Variants in MSI2 observed in about 807,000 individuals in gnomAD.
The protein encoded by MSI2 is RNA-binding protein Musashi homolog 2.
In MSI2, 17 loss-of-function variants were observed where a neutral mutation model predicts 45.6. The observed-to-expected ratio is 0.37, with a 90% CI of 0.26 to 0.56. The LOEUF is 0.56. MSI2 is among the 20% of genes least tolerant of loss of function. The pLI, the probability that MSI2 is intolerant of heterozygous loss-of-function variation, is 0.77. For synonymous variants in MSI2, 156 were observed against 158.2 expected (o/e 0.99, Z 0.11); for missense variants, 293 against 444.2 (o/e 0.66, Z 3.06).
In MSI2 at chr17:57,649,277, A is replaced by G. The variant is rs531404987; in HGVS notation, c.728-2822A>G. The stretch of plus-strand genomic sequence containing the variant: ...CCACATACACCCAACACAGGTACAC[A>G]ATACGTACACTCAACAAACACAACA... On this transcript the variant is annotated intron_variant, in intron 10 of 13. Transcript: ENST00000284073. 2.2e-3 allele frequency among the ~76,000 whole-genome samples: 338 copies of G among 151,192 alleles called. 2 individuals carry two copies. Among genetic ancestry groups the G allele is most frequent in the African/African-American group, 7.5e-3 (308 of 41,226 alleles).
intron 5 of MSI2, among the ~76,000 whole-genome samples, chr17:57,309,667 C>T (rs1368949744): frequency 6.6e-6 from 1 of 152,200 alleles, no homozygotes; most frequent in Non-Finnish European, 1.5e-5. Flanking sequence ...GGAATTCCTT[C>T]TCAGGAAAGC....
At chr17:57,332,513 T>G (rs1053212559) in intron 5 of MSI2, among the ~76,000 whole-genome samples, 1 of 152,246 alleles carries the variant, frequency 6.6e-6, no homozygotes, top group African/African-American at 2.4e-5. Context: ...ATGGACATGA[T>G]TTTCTGTAAT....
chr17:57,661,733 CTAT>C (rs781111872), intron 11 of MSI2, among the ~76,000 whole-genome samples: 2 of 152,144 alleles, frequency 1.3e-5, no homozygotes, highest in Admixed American at 6.5e-5. Flanking sequence ...CTGCTTGGGG[CTAT>C]TGTTTCCCAT....
intron 10 of MSI2, chr17:57,631,855 T>C (rs749748033): frequency 6.2e-7 from 1 of 1,611,816 alleles, no homozygotes; most frequent in African/African-American, 1.3e-5. Flanking sequence ...CATAGCAAAG[T>C]GGGGGTTGCT....
chr17:57,441,380 A>G (rs2084797568), intron 6 of MSI2, among the ~76,000 whole-genome samples: 3 of 152,128 alleles, frequency 2.0e-5, no homozygotes, highest in Non-Finnish European at 4.4e-5. Flanking sequence ...TGCCCTACAC[A>G]CTGCCTGCTC....
At chr17:57,392,063 G>T (rs1321852492) in intron 5 of MSI2, among the ~76,000 whole-genome samples, 1 of 152,226 alleles carries the variant, frequency 6.6e-6, no homozygotes, top group African/African-American at 2.4e-5. Flanking sequence ...CAGCCTGGGT[G>T]CCTGTGATCG....
rs143981323 is a variant in MSI2, at chr17:57,596,577, C to A, written c.455-291C>A. On this transcript the variant is annotated intron_variant, in intron 7 of 13. Coordinates refer to ENST00000284073, the MANE Select transcript of MSI2 (RefSeq NM_138962.4). The surrounding 1 kb of genome is among the most constrained non-coding windows in gnomAD (Gnocchi z 4.6). ...CGTGCACAGAGCCGCGGGGCTCTGACCCTTGTAAATAACAGACAAGTAAAT... is the reference window on the plus strand; with the variant it reads ...CGTGCACAGAGCCGCGGGGCTCTGAACCTTGTAAATAACAGACAAGTAAAT... 1.9e-3 allele frequency among the ~76,000 whole-genome samples: 292 copies of A among 152,336 alleles called. 2 individuals are homozygous for A. The Middle Eastern group carries it at 0.034, about 18-fold the overall frequency.
chr17:57,350,760 G>A (rs1444741099), intron 5 of MSI2, among the ~76,000 whole-genome samples: 1 of 152,176 alleles, frequency 6.6e-6, no homozygotes, highest in East Asian at 1.9e-4. Flanking sequence ...CTGCTAGGCT[G>A]TGCTCCTCTC....
chr17:57,510,619 G>C (rs1251884516), intron 6 of MSI2, among the ~76,000 whole-genome samples: 1 of 150,802 alleles, frequency 6.6e-6, no homozygotes, highest in Non-Finnish European at 1.5e-5. Flanking sequence ...GTAGAGACAG[G>C]GTTTCACCAT....
intron 7 of MSI2, among the ~76,000 whole-genome samples, chr17:57,567,932 C>A (rs1486981306): frequency 6.6e-6 from 1 of 152,198 alleles, no homozygotes; most frequent in Non-Finnish European, 1.5e-5. Context: ...TTCCAATAAC[C>A]TTTGCAAGAG....
chr17:57,569,842 C>T (rs114851010), intron 7 of MSI2, among the ~76,000 whole-genome samples: 1,579 of 152,242 alleles, frequency 0.01, 32 homozygotes, highest in African/African-American at 0.036. Flanking sequence ...CTGAAATGAC[C>T]AGTTTCTCAA....
chr17:57,379,781 C>G (rs112056476), intron 5 of MSI2, among the ~76,000 whole-genome samples: 2,643 of 152,218 alleles, frequency 0.017, 77 homozygotes, highest in African/African-American at 0.061. Flanking sequence ...GTTCAGCACC[C>G]GGTCAGCTCT....
downstream of MSI2, among the ~76,000 whole-genome samples, chr17:57,685,075 C>T (rs143886185): frequency 1.2e-4 from 18 of 152,212 alleles, no homozygotes; most frequent in East Asian, 5.8e-4. Context: ...TGGGAGAAGG[C>T]GCCAAACCGC....
At chr17:57,377,067 C>T (rs968653543) in intron 5 of MSI2, among the ~76,000 whole-genome samples, 3 of 152,056 alleles carry the variant, frequency 2.0e-5, no homozygotes, top group Non-Finnish European at 4.4e-5. Context: ...ACTACAGGCG[C>T]CCGCCACCAC....
At chr17:57,630,972 T>A (rs1909313718) in intron 10 of MSI2, 1 of 152,272 alleles carries the variant, frequency 6.6e-6, no homozygotes, top group Non-Finnish European at 1.5e-5. Context: ...ATCAGGTAGA[T>A]TCTGCGAACC....
intron 5 of MSI2, chr17:57,267,786 T>G (rs1907953219): frequency 6.6e-6 from 1 of 152,160 alleles, no homozygotes; most frequent in Admixed American, 6.5e-5. Context: ...GAACACAGTC[T>G]CGACGTCTTA....
At chr17:57,330,399 C>T (rs959850974) in intron 5 of MSI2, among the ~76,000 whole-genome samples, 1 of 151,806 alleles carries the variant, frequency 6.6e-6, no homozygotes, top group African/African-American at 2.4e-5. Flanking sequence ...ATTCTCCTGC[C>T]TCAGCCTCCC....
chr17:57,685,422 C>G (rs554239993), downstream of MSI2: 1 of 152,330 alleles, frequency 6.6e-6, no homozygotes, highest in Admixed American at 6.5e-5. Context: ...CCCTTAGCTG[C>G]TTCCTCAAGG....
At chr17:57,285,854 G>A in intron 5 of MSI2, 2 of 1,508,334 alleles carry the variant, frequency 1.3e-6, no homozygotes, top group Non-Finnish European at 1.8e-6. Flanking sequence ...TTTCTGTTGT[G>A]TAGTTCTGAT....
Sources: allele counts gnomAD v4.1 joint callset (sites outside exome capture counted in the v4.1 genomes callset), GRCh38; gene constraint gnomAD v4.1.1; non-coding constraint Gnocchi (gnomAD v3.1); transcripts MANE v1.5; gene names NCBI Gene and HGNC (gene_info 2026-07-23, HGNC 2026-07-21).